RASEF: variants seen among roughly 807,000 people sequenced by gnomAD.
RASEF encodes ras and EF-hand domain-containing protein.
In RASEF, 68 loss-of-function variants were observed where a neutral mutation model predicts 90.1. The ratio of observed to expected loss-of-function variants is 0.75; its 90% CI spans 0.62 to 0.92. The LOEUF is 0.92. RASEF is among the 40% of genes least tolerant of loss of function. The pLI, the probability that RASEF is intolerant of heterozygous loss-of-function variation, is 0.00. For synonymous variants in RASEF, 331 were observed against 345.2 expected (o/e 0.96, Z 0.46); for missense variants, 949 against 937.2 (o/e 1.01, Z -0.16).
At chr9:83,089,941 GATAGAT>G in the RASEF span, among the ~76,000 whole-genome samples, 26 of 137,236 alleles carry the variant, frequency 1.9e-4, no homozygotes, top group African/African-American at 6.6e-4. Flanking sequence ...TAGATAGATA[GATAGAT>G]ATAGATATAT....
At chr9:83,191,614 A>G in the RASEF span, among the ~76,000 whole-genome samples, 9 of 152,198 alleles carry the variant, frequency 5.9e-5, no homozygotes, top group African/African-American at 2.2e-4. Flanking sequence ...TATCAAAGCT[A>G]CAAGCCCCTT....
chr9:83,042,566 T>C (rs1361633584), intron 1 of RASEF, among the ~76,000 whole-genome samples: 8 of 152,200 alleles, frequency 5.3e-5, no homozygotes, highest in Admixed American at 3.3e-4. Context: ...CAGCATCTAC[T>C]TGAGGAATCT....
chr9:83,119,237 T>C, the RASEF span, among the ~76,000 whole-genome samples: 4 of 150,742 alleles, frequency 2.7e-5, no homozygotes, highest in Non-Finnish European at 4.4e-5. Context: ...CAGGCTGGTC[T>C]CAAACTCCTG....
chr9:83,195,449 C>T, the RASEF span, among the ~76,000 whole-genome samples: 1 of 152,018 alleles, frequency 6.6e-6, no homozygotes, highest in Non-Finnish European at 1.5e-5. Context: ...CCTAGGAGGC[C>T]CACTGTGGCC....
Position 83,000,887 on chromosome 9 carries a change from G to C in RASEF, c.1437+9C>G, listed in dbSNP as rs201126091. The C allele has an allele frequency of 7.1e-5, 114 of 1,607,074 alleles. No individual in the cohort carries two copies. Among genetic ancestry groups the C allele is most frequent in the Non-Finnish European group, 9.5e-5 (112 of 1,173,780 alleles). On this transcript the variant is annotated intron_variant, in intron 10 of 16. Transcript: ENST00000376447. ...AAGGCCTAGGAGAGCAGTGGTTTCT[G>C]GGGCTTACATCTGTGTCTGAAGCAT...
the RASEF span, among the ~76,000 whole-genome samples, chr9:83,128,463 CTTT>C: frequency 3.8e-5 from 5 of 132,388 alleles, no homozygotes; most frequent in Non-Finnish European, 3.2e-5. Context: ...TTGTTTTAGC[CTTT>C]TTTTTTTTTT....
At chr9:83,022,448 A>T in intron 2 of RASEF, 22 bp from the exon 3 acceptor site, 1 of 1,526,904 alleles carries the variant, frequency 6.5e-7, no homozygotes, top group Non-Finnish European at 9.1e-7. Flanking sequence ...AAGGATGCAC[A>T]CCTTTTCATT....
the RASEF span, among the ~76,000 whole-genome samples, chr9:83,088,941 T>C: frequency 1.3e-5 from 2 of 152,048 alleles, no homozygotes. Flanking sequence ...AGATAGATGT[T>C]ACATGTGCCA....
the RASEF span, among the ~76,000 whole-genome samples, chr9:83,116,095 T>C: frequency 3.3e-5 from 5 of 152,150 alleles, no homozygotes; most frequent in Admixed American, 6.5e-5. Flanking sequence ...TGCCAAGGCT[T>C]CATTTCCAGT....
the RASEF span, among the ~76,000 whole-genome samples, chr9:83,089,894 A>ATAGG: frequency 3.3e-4 from 6 of 18,390 alleles, no homozygotes; most frequent in Non-Finnish European, 7.2e-4. Flanking sequence ...TAGATAGATG[A>ATAGG]TAGATAGATA....
chr9:83,032,548 T>A (rs894202570), intron 1 of RASEF, among the ~76,000 whole-genome samples: 1 of 152,212 alleles, frequency 6.6e-6, no homozygotes, highest in Non-Finnish European at 1.5e-5. Flanking sequence ...TCTGAAGATA[T>A]CAAGTGAAAT....
At chr9:83,067,415 T>C (rs936792637), upstream of RASEF, among the ~76,000 whole-genome samples, 3 of 152,232 alleles carry the variant, frequency 2.0e-5, no homozygotes, top group Non-Finnish European at 4.4e-5. Context: ...TGACCCTTTA[T>C]GTAAAGCATG....
At chr9:83,148,876 A>T in the RASEF span, among the ~76,000 whole-genome samples, 1 of 152,214 alleles carries the variant, frequency 6.6e-6, no homozygotes, top group African/African-American at 2.4e-5. Flanking sequence ...TTCCTCTGGC[A>T]GGGATCTACC....
the RASEF span, among the ~76,000 whole-genome samples, chr9:83,134,410 G>T: frequency 2.2e-5 from 3 of 139,046 alleles, no homozygotes; most frequent in South Asian, 6.7e-4. Context: ...TCACAATAGC[G>T]CACACACACA....
At position 83,000,905 on chromosome 9, in the gene RASEF, T is replaced by C; in HGVS notation, c.1428A>G (p.Ser476=). Residue 476 remains serine (S), a synonymous_variant, in exon 10 of 17, where the codon TCA becomes TCG. Transcript: ENST00000376447. Reference sequence around the variant, plus strand: ...GGTTTCTGGGGCTTACATCTGTGTCTGAAGCATCACCTCCAAAGCTCTCCT... The same window carrying C: ...GGTTTCTGGGGCTTACATCTGTGTCCGAAGCATCACCTCCAAAGCTCTCCT... ...GVQESFGGDA[S]DTDVPDIRDE... The C allele has an allele frequency of 6.2e-7, 1 of 1,613,638 alleles. No homozygotes were observed. Among genetic ancestry groups the C allele is most frequent in the South Asian group, 1.1e-5 (1 of 91,066 alleles).
chr9:83,059,551 C>T (rs1830169514), intron 1 of RASEF, among the ~76,000 whole-genome samples: 1 of 152,150 alleles, frequency 6.6e-6, no homozygotes, highest in Non-Finnish European at 1.5e-5. Flanking sequence ...AAGACAATGA[C>T]CCAGGCATCA....
At chr9:83,110,753 T>C in the RASEF span, among the ~76,000 whole-genome samples, 1 of 152,206 alleles carries the variant, frequency 6.6e-6, no homozygotes, top group South Asian at 2.1e-4. Flanking sequence ...TCTCATGCTG[T>C]TGGTGGCCTA....
chr9:83,094,886 C>T, the RASEF span, among the ~76,000 whole-genome samples: 20 of 152,160 alleles, frequency 1.3e-4, no homozygotes, highest in Non-Finnish European at 2.8e-4. Flanking sequence ...TCTTAGGCTA[C>T]TTGTTTCTCT....
chr9:83,071,881 A>C, the RASEF span, among the ~76,000 whole-genome samples: 1 of 152,192 alleles, frequency 6.6e-6, no homozygotes, highest in Non-Finnish European at 1.5e-5. Context: ...TAAAGCTGCA[A>C]GACTTCTTAT....
Sources: allele counts gnomAD v4.1 joint callset (sites outside exome capture counted in the v4.1 genomes callset), GRCh38; gene constraint gnomAD v4.1.1; transcripts MANE v1.5; gene names NCBI Gene and HGNC (gene_info 2026-07-23, HGNC 2026-07-21).